The following GPHN variants were observed in gnomAD, a reference collection of about 807,000 sequenced individuals.
GPHN encodes gephyrin.
A neutral mutation model predicts 95.5 loss-of-function variants in GPHN; 17 were observed. The ratio of observed to expected loss-of-function variants is 0.18; its 90% CI spans 0.12 to 0.27. The LOEUF is 0.27. Among genes scored for constraint, GPHN ranks in the 10% least tolerant of loss-of-function variants. The probability of loss-of-function intolerance (pLI) is 1.00; values close to 1 mark genes in which losing one functional copy is unlikely to be tolerated. For missense variants in GPHN, 660 were observed against 978.1 expected, an observed-to-expected ratio of 0.67 and a Z score of 4.34; for synonymous variants, 320 against 322.5, an observed-to-expected ratio of 0.99 and a Z score of 0.08.
chr14:67,572,419 G>T, the GPHN span: 2 of 645,840 alleles, frequency 3.1e-6, no homozygotes, highest in Non-Finnish European at 5.3e-6. Flanking sequence ...GCGTGGGCTG[G>T]GGGGGTGTAC....
chr14:67,582,386 G>A, the GPHN span: 17 of 1,079,310 alleles, frequency 1.6e-5, no homozygotes, highest in African/African-American at 6.2e-5. This position sits in a 1 kb window ranked among gnomAD's most constrained non-coding sequence, Gnocchi z 5.0. Flanking sequence ...CTCACTCACC[G>A]CAGATATAGG....
At chr14:67,353,494 GT>G in the GPHN span, among the ~76,000 whole-genome samples, 1 of 151,926 alleles carries the variant, frequency 6.6e-6, no homozygotes, top group Non-Finnish European at 1.5e-5. Context: ...TGTTGTTGTT[GT>G]TGTTGTTTTT....
chr14:66,787,461 G>C (rs1447045859), intron 3 of GPHN, among the ~76,000 whole-genome samples: 2 of 152,036 alleles, frequency 1.3e-5, no homozygotes, highest in Non-Finnish European at 2.9e-5. Context: ...GTGTTTTGTG[G>C]CTATAAAATT....
chr14:67,677,588 T>C, the GPHN span: 6 of 152,166 alleles, frequency 3.9e-5, no homozygotes, highest in African/African-American at 1.4e-4. Flanking sequence ...TTTTACTTCT[T>C]CCCTGCTACC....
At position 66,591,537 on chromosome 14, in the gene GPHN, G is replaced by A. The variant is rs7153854; in HGVS notation, c.64+82946G>A. Among the ~76,000 whole-genome samples, 575 of 152,232 alleles carry A rather than the reference G, an allele frequency of 3.8e-3. 1 individual carries two copies. Among genetic ancestry groups the A allele is most frequent in the African/African-American group, 0.013 (557 of 41,544 alleles). Reference sequence around the variant, plus strand: ...ATAGAGAAACAGAGAGTGAAATCTTGAGTGAACTCCCATTCACAATTGCTA... The same window carrying A: ...ATAGAGAAACAGAGAGTGAAATCTTAAGTGAACTCCCATTCACAATTGCTA... On this transcript the variant is annotated intron_variant, in intron 1 of 22. Coordinates refer to ENST00000478722, the MANE Select transcript of GPHN (RefSeq NM_020806.5).
At chr14:67,653,450 A>C in the GPHN span, 1 of 1,613,980 alleles carries the variant, frequency 6.2e-7, no homozygotes, top group Admixed American at 1.7e-5. Context: ...CTGGACATTG[A>C]ACGGAGAATC....
At chr14:67,415,008 G>A in the GPHN span, among the ~76,000 whole-genome samples, 4 of 152,208 alleles carry the variant, frequency 2.6e-5, no homozygotes, top group African/African-American at 9.6e-5. Flanking sequence ...CCCCAGCAGC[G>A]ACCTGCATCA....
intron 13 of GPHN, among the ~76,000 whole-genome samples, chr14:67,107,757 G>A (rs960409001): frequency 2.0e-5 from 3 of 152,114 alleles, no homozygotes; most frequent in Admixed American, 2.0e-4. Context: ...CCCCGGGGGG[G>A]CCAAGGATCA....
the GPHN span, chr14:67,573,340 G>C: frequency 1.9e-6 from 3 of 1,613,640 alleles, no homozygotes; most frequent in Non-Finnish European, 2.5e-6. The surrounding 1 kb of genome is among the most constrained non-coding windows in gnomAD (Gnocchi z 4.8). Context: ...TGGAAGAGGC[G>C]CTGGTTTGTC....
the GPHN span, among the ~76,000 whole-genome samples, chr14:67,498,794 T>G: frequency 6.6e-6 from 1 of 151,964 alleles, no homozygotes; most frequent in Non-Finnish European, 1.5e-5. Flanking sequence ...GTCTCTCGAG[T>G]AGCTGAGATT....
intron 3 of GPHN, among the ~76,000 whole-genome samples, chr14:66,777,916 G>A (rs1018206723): frequency 5.3e-5 from 8 of 152,036 alleles, no homozygotes; most frequent in Non-Finnish European, 5.9e-5. Flanking sequence ...ACTGGCACAA[G>A]ACAGGGATGC....
At chr14:67,664,864 T>C in the GPHN span, among the ~76,000 whole-genome samples, 2 of 151,988 alleles carry the variant, frequency 1.3e-5, no homozygotes, top group African/African-American at 4.8e-5. Context: ...CTGATTTTCA[T>C]CTTAAGACCT....
chr14:66,625,327 T>G (rs915060903), intron 1 of GPHN, among the ~76,000 whole-genome samples: 30 of 152,096 alleles, frequency 2.0e-4, no homozygotes, highest in Non-Finnish European at 4.4e-4. Flanking sequence ...CCTGCCTTGG[T>G]CTCCCAGAGT....
chr14:67,158,299 C>T (rs2081738394), intron 18 of GPHN, among the ~76,000 whole-genome samples: 1 of 143,468 alleles, frequency 7.0e-6, no homozygotes, highest in African/African-American at 2.6e-5. Context: ...GAGAGCAAAA[C>T]TCCATCTCAA....
chr14:66,995,643 A>G (rs1321756440), intron 9 of GPHN, among the ~76,000 whole-genome samples: 2 of 152,218 alleles, frequency 1.3e-5, no homozygotes, highest in South Asian at 2.1e-4. Context: ...AACAAATCTG[A>G]TAATAAGTGC....
the GPHN span, among the ~76,000 whole-genome samples, chr14:67,457,482 G>A: frequency 6.6e-6 from 1 of 152,192 alleles, no homozygotes; most frequent in Non-Finnish European, 1.5e-5. Flanking sequence ...GCATGTGCCT[G>A]TGGTCCCAGC....
chr14:67,009,115 G>GT (rs1436816829), intron 9 of GPHN, among the ~76,000 whole-genome samples: 7 of 151,806 alleles, frequency 4.6e-5, no homozygotes, highest in African/African-American at 1.7e-4. Flanking sequence ...TTCCTTGTGT[G>GT]TTTGTTTTTT....
chr14:66,662,218 A>G (rs2065701256), intron 1 of GPHN, among the ~76,000 whole-genome samples: 1 of 152,068 alleles, frequency 6.6e-6, no homozygotes, highest in African/African-American at 2.4e-5. Flanking sequence ...TGACTGGGTG[A>G]CACCTCCCAA....
the GPHN span, chr14:67,384,127 C>T: frequency 6.6e-6 from 1 of 152,444 alleles, no homozygotes; most frequent in African/African-American, 2.4e-5. Context: ...AGATTGATGA[C>T]AACCTGTGTG....
Sources: gnomAD v4.1 joint callset for allele counts (sites outside exome capture counted in the v4.1 genomes callset) on GRCh38, gnomAD v4.1.1 for gene constraint, Gnocchi (gnomAD v3.1) non-coding constraint, MANE v1.5 for transcripts, NCBI Gene and HGNC (gene_info 2026-07-23, HGNC 2026-07-21) for gene names.